The following ACVR1C variants were observed in gnomAD, a reference collection of about 807,000 sequenced individuals.
The protein encoded by ACVR1C is activin A receptor type 1C.
In ACVR1C, 23 loss-of-function variants were observed where a neutral mutation model predicts 57.9. That is an observed-to-expected ratio of 0.40 (90% CI 0.29 to 0.56). The LOEUF (loss-of-function observed/expected upper bound fraction) is 0.56, where lower values mean the gene tolerates loss of function less well. ACVR1C is among the 20% of genes least tolerant of loss of function. The probability of loss-of-function intolerance (pLI) is 0.50; values close to 1 mark genes in which losing one functional copy is unlikely to be tolerated. For synonymous variants in ACVR1C, 214 were observed against 215.3 expected (o/e 0.99, Z 0.05); for missense variants, 480 against 607.9 (o/e 0.79, Z 2.21).
intron 2 of ACVR1C, among the ~76,000 whole-genome samples, chr2:157,582,199 C>A (rs1180793003): frequency 2.6e-5 from 4 of 152,040 alleles, no homozygotes; most frequent in African/African-American, 9.7e-5. Flanking sequence ...GTGGCATGTG[C>A]CTGTAGTCCC....
intron 1 of ACVR1C, among the ~76,000 whole-genome samples, chr2:157,622,633 CA>C (rs1376305173): frequency 6.6e-6 from 1 of 151,754 alleles, no homozygotes; most frequent in Non-Finnish European, 1.5e-5. Context: ...ATGAATTAAA[CA>C]CCTCAAACTA....
At chr2:157,561,184 C>T (rs920046832) in intron 2 of ACVR1C, among the ~76,000 whole-genome samples, 1 of 152,194 alleles carries the variant, frequency 6.6e-6, no homozygotes, top group Non-Finnish European at 1.5e-5. Flanking sequence ...TAAAACCAAT[C>T]CCCCTCCTTT....
At chr2:157,557,851 G>A (rs1026452000) in intron 2 of ACVR1C, among the ~76,000 whole-genome samples, 2 of 151,602 alleles carry the variant, frequency 1.3e-5, no homozygotes, top group African/African-American at 4.8e-5. Flanking sequence ...TTTTAATTTA[G>A]AAAAAAAGTG....
chr2:157,565,064 C>T (rs1442553019), intron 2 of ACVR1C, among the ~76,000 whole-genome samples: 35 of 151,928 alleles, frequency 2.3e-4, no homozygotes, highest in African/African-American at 6.5e-4. Context: ...CCATGGCACA[C>T]GTATACCTAT....
chr2:157,547,952 GTCTAAC>G (rs1459567234), intron 4 of ACVR1C, among the ~76,000 whole-genome samples: 1 of 151,860 alleles, frequency 6.6e-6, no homozygotes, highest in Non-Finnish European at 1.5e-5. Context: ...ATGGTTTTAG[GTCTAAC>G]ATTTAAGTCT....
rs534071643 is a variant in ACVR1C, at chr2:157,573,502, T to C, written c.304+13685A>G. 5.3e-5 allele frequency among the ~76,000 whole-genome samples: 8 copies of C among 152,244 alleles called. No individual in the cohort carries two copies. In the South Asian group the frequency reaches 1.4e-3, roughly 28 times the overall value. ...TTACCCTTTTAAGCACTGTATGTTTTGGTAGCAAAATGGGAACAAAGATAC... is the reference window on the plus strand; with the variant it reads ...TTACCCTTTTAAGCACTGTATGTTTCGGTAGCAAAATGGGAACAAAGATAC... On this transcript the variant is annotated intron_variant, in intron 2 of 8. Coordinates refer to ENST00000243349, the MANE Select transcript of ACVR1C (RefSeq NM_145259.3).
chr2:157,553,866 G>A (rs1687981234), intron 3 of ACVR1C, among the ~76,000 whole-genome samples: 1 of 151,980 alleles, frequency 6.6e-6, no homozygotes, highest in African/African-American at 2.4e-5. Flanking sequence ...AAACAGTATT[G>A]AATATCAACA....
intron 1 of ACVR1C, among the ~76,000 whole-genome samples, chr2:157,603,606 A>T (rs1303277963): frequency 6.6e-6 from 1 of 152,138 alleles, no homozygotes; most frequent in Non-Finnish European, 1.5e-5. Flanking sequence ...AGAACAGGTG[A>T]GCAAATGCTG....
chr2:157,557,447 T>G (rs1310752953), intron 2 of ACVR1C, among the ~76,000 whole-genome samples: 1 of 152,100 alleles, frequency 6.6e-6, no homozygotes, highest in Non-Finnish European at 1.5e-5. Context: ...CCCTGTACAC[T>G]CTCAAGACCC....
At chr2:157,575,041 A>T (rs1688609077) in intron 2 of ACVR1C, among the ~76,000 whole-genome samples, 1 of 152,110 alleles carries the variant, frequency 6.6e-6, no homozygotes, top group Non-Finnish European at 1.5e-5. Flanking sequence ...AGCTCACTGC[A>T]GCCTTGGCCT....
chr2:157,584,880 G>A (rs1402486027), intron 2 of ACVR1C, among the ~76,000 whole-genome samples: 1 of 152,166 alleles, frequency 6.6e-6, no homozygotes, highest in African/African-American at 2.4e-5. Context: ...TATATCCATA[G>A]AATGGGACAT....
At position 157,527,451 on chromosome 2, in the gene ACVR1C, A is replaced by G. The variant is rs892500042; in HGVS notation, c.*6467T>C. ...AAATGCAATGGTTTTGACATTTGTA[A>G]TATGTTCTTAGGTATAAGAAGAGTC... is the stretch of plus-strand genomic sequence containing the variant. On this transcript the variant is annotated 3_prime_UTR_variant, in exon 9 of 9. Coordinates refer to ENST00000243349, the MANE Select transcript of ACVR1C (RefSeq NM_145259.3). 1 of 152,160 alleles carries G rather than the reference A, an allele frequency of 6.6e-6. No homozygotes were observed. The highest frequency in any genetic ancestry group is 1.5e-5 in the Non-Finnish European group (1 of 68,010). The allele number at this position is 152,160 out of a possible 1,614,324, so 9.4% of individuals were successfully genotyped here. A position where few individuals can be genotyped will look rare whatever the true frequency, so the allele number is the denominator to read the frequency against.
chr2:157,555,983 C>A, intron 3 of ACVR1C, 110 bp downstream of exon 3: 1 of 1,279,878 alleles, frequency 7.8e-7, no homozygotes, highest in Non-Finnish European at 1.1e-6. Flanking sequence ...CACCATGTAT[C>A]CTTTCAAGAC....
rs116512180 is a variant in ACVR1C at position 157,535,938 on chromosome 2, C to A, written c.1357-1895G>T. On this transcript the variant is annotated intron_variant, in intron 8 of 8. Coordinates refer to ENST00000243349, the MANE Select transcript of ACVR1C (RefSeq NM_145259.3). ...AGTTCCATGATGACAGGATTGTGGC[C>A]CCCTCATCGGCATATCCCTATGGAC... is the stretch of plus-strand genomic sequence containing the variant. 9.5e-3 allele frequency among the ~76,000 whole-genome samples: 1,444 copies of A among 152,196 alleles called. 7 individuals carry two copies. Among genetic ancestry groups the A allele is most frequent in the Non-Finnish European group, 0.017 (1,144 of 68,018 alleles).
chr2:157,560,575 C>T (rs992816518), intron 2 of ACVR1C, among the ~76,000 whole-genome samples: 3 of 152,196 alleles, frequency 2.0e-5, no homozygotes, highest in African/African-American at 7.2e-5. Flanking sequence ...AACCAATAGG[C>T]TGTGGCCTGC....
chr2:157,587,068 A>C lies in ACVR1C; in HGVS notation c.304+119T>G. Reference sequence around the variant, plus strand: ...AGAATTTTACCAGCCAAAATCAAAAAGAGAACTGTAAAACAGATTTTCCTA... The same window carrying C: ...AGAATTTTACCAGCCAAAATCAAAACGAGAACTGTAAAACAGATTTTCCTA... On this transcript the variant is annotated intron_variant, in intron 2 of 8. Transcript: ENST00000243349. 5 of 960,076 alleles carry C rather than the reference A, an allele frequency of 5.2e-6. No individual in the cohort carries two copies. In the South Asian group the frequency reaches 9.4e-5, roughly 18 times the overall value. 59.5% of individuals were successfully genotyped at this position (960,076 alleles called of 1,614,324 possible).
intron 1 of ACVR1C, among the ~76,000 whole-genome samples, chr2:157,610,251 C>T (rs1321157733): frequency 6.6e-6 from 1 of 152,072 alleles, no homozygotes; most frequent in Non-Finnish European, 1.5e-5. Flanking sequence ...TAAATTCCCT[C>T]AGCATTTGCT....
intron 8 of ACVR1C, among the ~76,000 whole-genome samples, chr2:157,537,818 ATCTC>A (rs1361024461): frequency 6.6e-6 from 1 of 152,146 alleles, no homozygotes; most frequent in African/African-American, 2.4e-5. Flanking sequence ...GCTAGAAAAA[ATCTC>A]TATCTTCACA....
chr2:157,544,650 A>G, intron 4 of ACVR1C, 38 bp from the exon 5 acceptor site: 1 of 1,546,902 alleles, frequency 6.5e-7, no homozygotes, highest in Non-Finnish European at 8.8e-7. Context: ...GTAAATACAT[A>G]TTGAGAAAGA....
Sources: allele counts gnomAD v4.1 joint callset (sites outside exome capture counted in the v4.1 genomes callset), GRCh38; gene constraint gnomAD v4.1.1; transcripts MANE v1.5; gene names NCBI Gene and HGNC (gene_info 2026-07-23, HGNC 2026-07-21).